The following NT5C2 variants were observed in gnomAD, a reference collection of about 807,000 sequenced individuals.
NT5C2 encodes the protein 5'-nucleotidase, cytosolic II.
A neutral mutation model predicts 76.1 loss-of-function variants in NT5C2; 58 were observed. That is an observed-to-expected ratio of 0.76 (90% CI 0.62 to 0.95). The LOEUF (loss-of-function observed/expected upper bound fraction) is 0.95, where lower values mean the gene tolerates loss of function less well. Ranked by LOEUF, NT5C2 falls within the 40% of genes least tolerant of loss-of-function variation. NT5C2 has a pLI of 0.00. For missense variants in NT5C2, 478 were observed against 690.3 expected (o/e 0.69, Z 3.45); for synonymous variants, 229 against 237.4 (o/e 0.96, Z 0.32).
rs1446916348 is a variant in NT5C2 at position 103,105,775 on chromosome 10, C to G, written c.320G>C (p.Gly107Ala). ...TRGLVFDTLY[G>A]NLLKVDAYGN... The stretch of plus-strand genomic sequence containing the variant: ...ATAGGCATCGACTTTCAAAAGATTT[C>G]CATACAGTGTGTCAAAGACAAGTCC... The change falls in exon 6 of 19, where the codon GGA becomes GCA. Residue 107 changes from glycine (G) to alanine (A), a missense_variant. Coordinates refer to ENST00000404739, the MANE Select transcript of NT5C2 (RefSeq NM_001351169.2). 1 of 1,613,054 alleles carries G rather than the reference C, an allele frequency of 6.2e-7. No homozygotes were observed. The highest frequency in any genetic ancestry group is 8.5e-7 in the Non-Finnish European group (1 of 1,179,260).
At chr10:103,155,145 A>G (rs1032542915) in intron 3 of NT5C2, among the ~76,000 whole-genome samples, 1 of 152,224 alleles carries the variant, frequency 6.6e-6, no homozygotes, top group African/African-American at 2.4e-5. Context: ...ATACAAAGAT[A>G]AACTTGGAAG....
chr10:103,098,990 G>A lies in NT5C2; in HGVS notation c.634-6C>T, dbSNP rs770502679. 4.4e-6 allele frequency: 7 copies of A among 1,599,356 alleles called. No individual in the cohort carries two copies. Among genetic ancestry groups the A allele is most frequent in the South Asian group, 2.2e-5 (2 of 89,850 alleles). Reference sequence around the variant, plus strand: ...GTCTTTTCCTTAAGGGAGCCCTGGAGGAAGACAAAAAAAAGAATTAAGAAA... The same window carrying A: ...GTCTTTTCCTTAAGGGAGCCCTGGAAGAAGACAAAAAAAAGAATTAAGAAA... On this transcript the variant is annotated splice_polypyrimidine_tract_variant and splice_region_variant and intron_variant, in intron 9 of 18. Transcript: ENST00000404739.
intron 3 of NT5C2, among the ~76,000 whole-genome samples, chr10:103,149,837 T>G (rs2082095895): frequency 3.4e-5 from 5 of 146,356 alleles, no homozygotes; most frequent in African/African-American, 1.3e-4. Context: ...GCCTTTTACC[T>G]AAACGACAGC....
At chr10:103,097,170 G>T in intron 11 of NT5C2, 121 bp downstream of exon 11, 1 of 736,354 alleles carries the variant, frequency 1.4e-6, no homozygotes, top group Non-Finnish European at 2.1e-6. Flanking sequence ...TTTACTCTTT[G>T]AAAATGAGAA....
At chr10:103,184,133 G>A (rs1246709200) in intron 1 of NT5C2, among the ~76,000 whole-genome samples, 3 of 152,018 alleles carry the variant, frequency 2.0e-5, no homozygotes, top group Admixed American at 6.6e-5. Context: ...TGTATTTTTA[G>A]TACAGACGGG....
chr10:103,173,408 T>A (rs1480319851), intron 3 of NT5C2, among the ~76,000 whole-genome samples: 1 of 122,480 alleles, frequency 8.2e-6, no homozygotes, highest in African/African-American at 3.1e-5. Flanking sequence ...ACAAGAAGAG[T>A]AGATCAAGAC....
chr10:103,090,653 C>A lies in NT5C2; in HGVS notation c.1407G>T (p.Leu469=), dbSNP rs142965385. Residue 469 remains leucine, a synonymous_variant, in exon 18 of 19, where the codon CTG becomes CTT. Transcript: ENST00000404739. The part of the protein sequence containing the change: ...DLYAASFINL[L]YYPFSYLFRA... ...TGAAGAGGTAGCTGAAAGGGTAATACAGCAGGTTGATGAAAGATGCTGCAT... is the reference window on the plus strand; with the variant it reads ...TGAAGAGGTAGCTGAAAGGGTAATAAAGCAGGTTGATGAAAGATGCTGCAT... The A allele has an allele frequency of 6.2e-7, 1 of 1,614,116 alleles. No individual in the cohort carries two copies. The highest frequency in any genetic ancestry group is 8.5e-7 in the Non-Finnish European group (1 of 1,180,026).
At chr10:103,099,866 A>G (rs562986249) in intron 9 of NT5C2, 60 bp downstream of exon 9, 5 of 1,067,550 alleles carry the variant, frequency 4.7e-6, no homozygotes, top group Non-Finnish European at 7.2e-6. Flanking sequence ...TGGAAAGTTA[A>G]TGCCACGCCA....
At chr10:103,173,474 G>C (rs2088825294) in intron 3 of NT5C2, among the ~76,000 whole-genome samples, 1 of 151,446 alleles carries the variant, frequency 6.6e-6, no homozygotes, top group African/African-American at 2.4e-5. Flanking sequence ...AAAATTAGCT[G>C]GGCATGGTGG....
intron 5 of NT5C2, among the ~76,000 whole-genome samples, chr10:103,106,199 T>G (rs2071226251): frequency 6.6e-6 from 1 of 152,238 alleles, no homozygotes. Flanking sequence ...TTTCTTAATC[T>G]TAAATATTCC....
intron 2 of NT5C2, among the ~76,000 whole-genome samples, chr10:103,179,814 A>G (rs2090748173): frequency 1.3e-5 from 2 of 152,328 alleles, no homozygotes; most frequent in South Asian, 4.1e-4. Context: ...AAGATTTAGA[A>G]TATTTTATTC....
At position 103,142,469 on chromosome 10, in the gene NT5C2, G is replaced by A. The variant is rs368911316; in HGVS notation, c.102-2990C>T. On this transcript the variant is annotated intron_variant, in intron 3 of 18. Coordinates refer to ENST00000404739, the MANE Select transcript of NT5C2 (RefSeq NM_001351169.2). ...GCAGATCGCTTGAGCACAGGAGTTC[G>A]AAACCAGCCTAGGCAACATGGCAAA... 3.9e-5 allele frequency among the ~76,000 whole-genome samples: 6 copies of A among 152,082 alleles called. No homozygotes were observed. The South Asian group carries it at 1.2e-3, about 32-fold the overall frequency.
intron 3 of NT5C2, among the ~76,000 whole-genome samples, chr10:103,163,637 T>C (rs1044161984): frequency 2.0e-5 from 3 of 151,886 alleles, no homozygotes; most frequent in African/African-American, 7.3e-5. Flanking sequence ...AAGTTCTTTA[T>C]ATACTCCAGA....
In NT5C2 at chr10:103,101,030, A is replaced by G. The variant is rs764691024; in HGVS notation, c.539+15T>C. 67 of 1,345,550 alleles carry G rather than the reference A, an allele frequency of 5.0e-5. No homozygotes were observed. In the Admixed American group the frequency reaches 1.1e-3, roughly 23 times the overall value. 83.4% of individuals were successfully genotyped at this position (1,345,550 alleles called of 1,614,324 possible). A position where few individuals can be genotyped will look rare whatever the true frequency, so the allele number is the denominator to read the frequency against. ...AAAAATCAATTGGAAAAAAATAATTATAGTATATACATACCTGGTATATCT... is the reference window on the plus strand; with the variant it reads ...AAAAATCAATTGGAAAAAAATAATTGTAGTATATACATACCTGGTATATCT... On this transcript the variant is annotated intron_variant, in intron 8 of 18. Coordinates refer to ENST00000404739, the MANE Select transcript of NT5C2 (RefSeq NM_001351169.2).
At chr10:103,187,551 TAAA>T (rs769511019) in intron 1 of NT5C2, among the ~76,000 whole-genome samples, 1 of 85,760 alleles carries the variant, frequency 1.2e-5, no homozygotes, top group African/African-American at 4.4e-5. Context: ...GAATCCATCT[TAAA>T]AAAAAAAAAA....
At chr10:103,129,542 G>A (rs1346164616) in intron 4 of NT5C2, among the ~76,000 whole-genome samples, 8 of 99,940 alleles carry the variant, frequency 8.0e-5, no homozygotes, top group Non-Finnish European at 1.3e-4. Flanking sequence ...TCAGCCCCCC[G>A]CCCGGCCAGC....
rs1364131718 is a variant in NT5C2, at chr10:103,153,177, C to G, written c.102-13698G>C. The G allele has an allele frequency of 1.3e-5, 8 of 617,568 alleles. No individual in the cohort carries two copies. In the South Asian group the frequency reaches 1.7e-4, roughly 13 times the overall value. The allele number at this position is 617,568 out of a possible 1,614,324, so 38.3% of individuals were successfully genotyped here. ...ATTTGGGCTGAATTTCTTTCAATCT[C>G]TGCCTCTACCTCCACTCTCGGACTG... is the stretch of plus-strand genomic sequence containing the variant. On this transcript the variant is annotated intron_variant, in intron 3 of 18. Coordinates refer to ENST00000404739, the MANE Select transcript of NT5C2 (RefSeq NM_001351169.2).
chr10:103,171,340 TAC>T (rs1256982852), intron 3 of NT5C2, among the ~76,000 whole-genome samples: 1 of 152,276 alleles, frequency 6.6e-6, no homozygotes, highest in Non-Finnish European at 1.5e-5. Context: ...AGCTTTCCTA[TAC>T]AGAGAAGACT....
At chr10:103,146,335 G>A in intron 3 of NT5C2, 1 of 985,424 alleles carries the variant, frequency 1.0e-6, no homozygotes. Flanking sequence ...TTGCCTAGGA[G>A]TCACAATTTC....
Sources: allele counts gnomAD v4.1 joint callset (sites outside exome capture counted in the v4.1 genomes callset), GRCh38; gene constraint gnomAD v4.1.1; transcripts MANE v1.5; gene names NCBI Gene and HGNC (gene_info 2026-07-23, HGNC 2026-07-21).